TRPS1: variants seen among roughly 807,000 people sequenced by gnomAD.
The protein encoded by TRPS1 is zinc finger transcription factor Trps1.
TRPS1 carries 6 observed loss-of-function variants against 101.2 expected under a neutral mutation model. The ratio of observed to expected loss-of-function variants is 0.06; its 90% confidence interval spans 0.03 to 0.12. The LOEUF (loss-of-function observed/expected upper bound fraction) is 0.12, where lower values mean the gene tolerates loss of function less well. TRPS1 is among the 10% of genes least tolerant of loss of function. TRPS1 has a pLI of 1.00. For missense variants in TRPS1, 1,363 were observed against 1,567.0 expected (o/e 0.87, Z 2.20); for synonymous variants, 578 against 589.8 (o/e 0.98, Z 0.29).
At chr8:115,519,996 T>C (rs1815817996) in intron 5 of TRPS1, among the ~76,000 whole-genome samples, 1 of 151,752 alleles carries the variant, frequency 6.6e-6, no homozygotes, top group Non-Finnish European at 1.5e-5. Context: ...CCATCTAAAA[T>C]ATTCAATTCA....
chr8:115,644,791 G>A (rs1206244531), intron 1 of TRPS1, among the ~76,000 whole-genome samples: 1 of 152,076 alleles, frequency 6.6e-6, no homozygotes, highest in Non-Finnish European at 1.5e-5. Context: ...ACACTTAGAG[G>A]TCATTGTAGG....
intron 4 of TRPS1, among the ~76,000 whole-genome samples, chr8:115,602,706 G>A (rs1403338783): frequency 2.0e-5 from 3 of 152,106 alleles, no homozygotes; most frequent in Admixed American, 6.6e-5. Flanking sequence ...TAATATCATG[G>A]GATGTAGAAA....
intron 5 of TRPS1, among the ~76,000 whole-genome samples, chr8:115,510,114 A>G (rs1304344227): frequency 6.6e-6 from 1 of 151,972 alleles, no homozygotes; most frequent in Non-Finnish European, 1.5e-5. Flanking sequence ...GATTCAAATT[A>G]GCCTCTGTGC....
At chr8:115,451,131 A>T (rs1563740148) in intron 5 of TRPS1, among the ~76,000 whole-genome samples, 1 of 152,160 alleles carries the variant, frequency 6.6e-6, no homozygotes, top group Non-Finnish European at 1.5e-5. Context: ...AGAAGGTAAA[A>T]CCTGTATATT....
chr8:115,645,298 G>C (rs1045116873), intron 1 of TRPS1, among the ~76,000 whole-genome samples: 1 of 152,082 alleles, frequency 6.6e-6, no homozygotes, highest in African/African-American at 2.4e-5. Context: ...CTCTGCTCTA[G>C]AGTACACCCT....
chr8:115,420,055 C>G (rs577885670), intron 5 of TRPS1, among the ~76,000 whole-genome samples: 23 of 152,240 alleles, frequency 1.5e-4, no homozygotes, highest in African/African-American at 5.5e-4. Context: ...CCTTTTAAAC[C>G]AAGAACACGA....
intron 5 of TRPS1, among the ~76,000 whole-genome samples, chr8:115,536,436 T>G (rs1443875767): frequency 2.1e-5 from 3 of 145,052 alleles, no homozygotes; most frequent in African/African-American, 7.8e-5. Flanking sequence ...GGCAGGAGAA[T>G]GGCGTGAACC....
At position 115,619,837 on chromosome 8, in the gene TRPS1, G is replaced by A. The variant is rs1818352752; in HGVS notation, c.261C>T (p.Asp87=). Residue 87 remains aspartate, a synonymous_variant, in exon 3 of 7, where the codon GAC becomes GAT. Coordinates refer to ENST00000395715, the MANE Select transcript of TRPS1 (RefSeq NM_014112.5). The part of the protein sequence containing the change: ...VQDPSSSSKK[D]LKSAVLSEKA... ...TCTCACTCAGAACTGCGCTTTTCAA[G>A]TCCTTCTTACTGCTAGAAGATGGAT... is the stretch of plus-strand genomic sequence containing the variant. 6.2e-7 allele frequency: 1 copy of A among 1,614,046 alleles called. No individual in the cohort carries two copies. The highest frequency in any genetic ancestry group is 1.3e-5 in the African/African-American group (1 of 74,920).
chr8:115,475,600 G>A (rs531043271), intron 5 of TRPS1, among the ~76,000 whole-genome samples: 2 of 152,168 alleles, frequency 1.3e-5, no homozygotes, highest in South Asian at 2.1e-4. Flanking sequence ...TAATAGTACA[G>A]AAAGCTTATT....
chr8:115,502,002 C>A (rs545337992), intron 5 of TRPS1, among the ~76,000 whole-genome samples: 1 of 152,092 alleles, frequency 6.6e-6, no homozygotes, highest in South Asian at 2.1e-4. Context: ...TCACCATCAA[C>A]AAAGTTTATC....
chr8:115,529,788 G>A (rs1382818746), intron 5 of TRPS1, among the ~76,000 whole-genome samples: 2 of 152,100 alleles, frequency 1.3e-5, no homozygotes, highest in South Asian at 2.1e-4. Flanking sequence ...GCAACACCAG[G>A]TAGTTACTTG....
intron 5 of TRPS1, among the ~76,000 whole-genome samples, chr8:115,528,801 A>T (rs1239482005): frequency 6.6e-6 from 1 of 152,042 alleles, no homozygotes; most frequent in Non-Finnish European, 1.5e-5. Flanking sequence ...ATAGTCATTC[A>T]ACTGTAGAGA....
At chr8:115,622,780 G>T (rs1818424005) in intron 2 of TRPS1, among the ~76,000 whole-genome samples, 1 of 152,056 alleles carries the variant, frequency 6.6e-6, no homozygotes, top group African/African-American at 2.4e-5. Context: ...AAATGAGGAA[G>T]AAATAATCTA....
At chr8:115,658,331 C>A (rs758865896) in intron 1 of TRPS1, among the ~76,000 whole-genome samples, 1 of 151,892 alleles carries the variant, frequency 6.6e-6, no homozygotes, top group East Asian at 1.9e-4. Flanking sequence ...TGAGTGTGAC[C>A]CCAGTGGGGT....
chr8:115,442,736 CG>C (rs1813636059), intron 5 of TRPS1, among the ~76,000 whole-genome samples: 1 of 150,860 alleles, frequency 6.6e-6, no homozygotes, highest in South Asian at 2.1e-4. Context: ...CTGAGGCGGG[CG>C]GATCATTTGA....
At chr8:115,563,233 G>T (rs544943610) in intron 5 of TRPS1, among the ~76,000 whole-genome samples, 12 of 151,876 alleles carry the variant, frequency 7.9e-5, no homozygotes, top group Non-Finnish European at 4.4e-5. Context: ...GGCGGGTGAG[G>T]GTGTTCTTAG....
chr8:115,460,919 C>T (rs991532368), intron 5 of TRPS1, among the ~76,000 whole-genome samples: 2 of 152,132 alleles, frequency 1.3e-5, no homozygotes, highest in African/African-American at 4.8e-5. Context: ...TCAAGCTCAA[C>T]TATGTTACAA....
intron 5 of TRPS1, among the ~76,000 whole-genome samples, chr8:115,444,213 A>G (rs976208829): frequency 6.6e-6 from 1 of 152,128 alleles, no homozygotes; most frequent in African/African-American, 2.4e-5. Context: ...GGTGTCCAAC[A>G]TGGTACATAC....
intron 5 of TRPS1, among the ~76,000 whole-genome samples, chr8:115,425,223 G>T (rs1372871716): frequency 6.6e-6 from 1 of 152,136 alleles, no homozygotes; most frequent in African/African-American, 2.4e-5. Flanking sequence ...TGAAGAATCC[G>T]TTGAAATGGG....
Sources: gnomAD v4.1 joint callset for allele counts (sites outside exome capture counted in the v4.1 genomes callset) on GRCh38, gnomAD v4.1.1 for gene constraint, MANE v1.5 for transcripts, NCBI Gene and HGNC (gene_info 2026-07-23, HGNC 2026-07-21) for gene names.